Variants in KIAA1671 observed in about 807,000 individuals in gnomAD.
The protein encoded by KIAA1671 is KIAA1671, also known as uncharacterized protein KIAA1671.
A neutral mutation model predicts 131.2 loss-of-function variants in KIAA1671; 52 were observed. The observed-to-expected ratio is 0.40, with a 90% CI of 0.32 to 0.50. The LOEUF (loss-of-function observed/expected upper bound fraction) is 0.50. Among genes scored for constraint, KIAA1671 ranks in the 20% least tolerant of loss-of-function variants. The pLI, the probability that KIAA1671 is intolerant of heterozygous loss-of-function variation, is 0.73. For synonymous variants in KIAA1671, 1,003 were observed against 961.6 expected, an observed-to-expected ratio of 1.04 and a Z score of -0.80; for missense variants, 2,360 against 2,364.2, an observed-to-expected ratio of 1.00 and a Z score of 0.04.
At position 25,038,476 on chromosome 22, in the gene KIAA1671, A is replaced by G. The variant is rs1367764882; in HGVS notation, c.1630-284A>G. 1.3e-4 allele frequency among the ~76,000 whole-genome samples: 20 copies of G among 152,330 alleles called. No individual in the cohort carries two copies. The East Asian group carries it at 3.7e-3, about 28-fold the overall frequency. ...TTGTGTAGGCTTGTGCATGTGGACA[A>G]AGTCCTGGGAGGAACTTGGCCGGAT... On this transcript the variant is annotated intron_variant, in intron 4 of 12. Transcript: ENST00000358431.
intron 1 of KIAA1671, among the ~76,000 whole-genome samples, chr22:25,019,921 T>C (rs1165699430): frequency 1.3e-5 from 2 of 152,190 alleles, no homozygotes; most frequent in Non-Finnish European, 2.9e-5. Context: ...TTGTGACATT[T>C]CCCATGCTTG....
At chr22:25,156,907 G>A (rs908434585) in intron 6 of KIAA1671, among the ~76,000 whole-genome samples, 3 of 152,152 alleles carry the variant, frequency 2.0e-5, no homozygotes, top group Admixed American at 6.5e-5. Context: ...CACACCCAGC[G>A]CCCTGCCTCC....
intron 6 of KIAA1671, among the ~76,000 whole-genome samples, chr22:25,072,179 G>A (rs375455370): frequency 6.6e-6 from 1 of 152,152 alleles, no homozygotes; most frequent in African/African-American, 2.4e-5. Context: ...CCAGGTACTG[G>A]CCTAAGCTCA....
intron 6 of KIAA1671, chr22:25,055,827 G>GATATAGATATAGATATAGAT (rs1316520488): frequency 6.9e-6 from 1 of 143,904 alleles, no homozygotes; most frequent in African/African-American, 2.5e-5. Flanking sequence ...TATAGATATA[G>GATATAGATATAGATATAGAT]ATAGATATAG....
chr22:25,029,830 G>C (rs935477201), intron 3 of KIAA1671, among the ~76,000 whole-genome samples: 2 of 152,238 alleles, frequency 1.3e-5, no homozygotes, highest in African/African-American at 4.8e-5. Context: ...CCATTTCATG[G>C]AGGCAGGGCA....
At chr22:25,129,132 G>T (rs1293708377) in intron 6 of KIAA1671, among the ~76,000 whole-genome samples, 2 of 152,050 alleles carry the variant, frequency 1.3e-5, no homozygotes. Flanking sequence ...TCCCAAGCAT[G>T]GAGTGCCATG....
chr22:25,097,185 A>G (rs1298063047), intron 6 of KIAA1671, among the ~76,000 whole-genome samples: 2 of 152,176 alleles, frequency 1.3e-5, no homozygotes, highest in African/African-American at 4.8e-5. Flanking sequence ...TTGTTAAGAA[A>G]CTGCCAAACC....
chr22:25,072,460 C>T (rs902265349), intron 6 of KIAA1671, among the ~76,000 whole-genome samples: 16 of 152,138 alleles, frequency 1.1e-4, no homozygotes, highest in African/African-American at 3.9e-4. Context: ...GAGTGAGGAG[C>T]CACATAGGCC....
chr22:25,175,245 T>C (rs968076256), intron 8 of KIAA1671: 3 of 152,200 alleles, frequency 2.0e-5, no homozygotes, highest in East Asian at 1.9e-4. Context: ...CGCGTAACAA[T>C]AGGGCTACCT....
intron 11 of KIAA1671, among the ~76,000 whole-genome samples, chr22:25,188,692 G>A (rs1271227068): frequency 6.6e-6 from 1 of 152,016 alleles, no homozygotes; most frequent in East Asian, 1.9e-4. Flanking sequence ...GTAAGCTAGA[G>A]GAAAGATGTT....
chr22:25,141,262 T>G (rs1186516046), intron 6 of KIAA1671, among the ~76,000 whole-genome samples: 1 of 152,128 alleles, frequency 6.6e-6, no homozygotes, highest in Non-Finnish European at 1.5e-5. Context: ...AGACAGAGTC[T>G]CACTCTGTCG....
intron 1 of KIAA1671, among the ~76,000 whole-genome samples, chr22:24,956,209 T>G (rs1468840103): frequency 6.6e-6 from 1 of 152,202 alleles, no homozygotes; most frequent in Non-Finnish European, 1.5e-5. Context: ...GGTGTAACAG[T>G]CTACCTGGGG....
intron 4 of KIAA1671, among the ~76,000 whole-genome samples, chr22:25,033,537 G>T (rs1926401985): frequency 6.8e-6 from 1 of 146,932 alleles, no homozygotes; most frequent in African/African-American, 2.5e-5. Flanking sequence ...GATGCTTTCT[G>T]CAGAGTCTTA....
intron 6 of KIAA1671, among the ~76,000 whole-genome samples, chr22:25,077,957 GTGTGTGGGATCT>G (rs1929205215): frequency 6.6e-6 from 1 of 152,206 alleles, no homozygotes; most frequent in Non-Finnish European, 1.5e-5. Flanking sequence ...AAGTGCCTCA[GTGTGTGGGATCT>G]TGATTAATCC....
intron 6 of KIAA1671, among the ~76,000 whole-genome samples, chr22:25,151,125 C>T (rs140493737): frequency 0.016 from 2,411 of 152,004 alleles, 37 homozygotes; most frequent in African/African-American, 0.018. Flanking sequence ...TGAGCCACTG[C>T]GCCCGGCCCC....
chr22:25,176,058 C>T (rs1361216013), intron 8 of KIAA1671: 1 of 152,306 alleles, frequency 6.6e-6, no homozygotes, highest in Non-Finnish European at 1.5e-5. Context: ...TCTTCCCCTC[C>T]AAGCCAGCCC....
At chr22:25,138,773 G>T (rs1236253943) in intron 6 of KIAA1671, among the ~76,000 whole-genome samples, 1 of 152,152 alleles carries the variant, frequency 6.6e-6, no homozygotes, top group Non-Finnish European at 1.5e-5. Context: ...GTTCTTTCAA[G>T]ATATTCAGGC....
intron 6 of KIAA1671, among the ~76,000 whole-genome samples, chr22:25,084,039 G>A (rs9306411): frequency 0.27 from 41,050 of 152,244 alleles, 6,864 homozygotes; most frequent in African/African-American, 0.48. Context: ...GGCCTGCCAC[G>A]TGAGTGCAGG....
intron 6 of KIAA1671, among the ~76,000 whole-genome samples, chr22:25,096,752 C>T (rs1261638129): frequency 1.3e-5 from 2 of 152,206 alleles, no homozygotes; most frequent in Non-Finnish European, 2.9e-5. Context: ...CTGAGGCCTG[C>T]TCCTGCCTCT....
Sources: gnomAD v4.1 joint callset for allele counts (sites outside exome capture counted in the v4.1 genomes callset) on GRCh38, gnomAD v4.1.1 for gene constraint, MANE v1.5 for transcripts, NCBI Gene and HGNC (gene_info 2026-07-23, HGNC 2026-07-21) for gene names.